PARM1: variants seen among roughly 807,000 people sequenced by gnomAD.
PARM1 encodes prostate androgen-regulated mucin-like protein 1.
PARM1 carries 14 observed loss-of-function variants against 24.6 expected under a neutral mutation model. The observed-to-expected ratio is 0.57, with a 90% confidence interval of 0.38 to 0.89. The LOEUF is 0.89. Among genes scored for constraint, PARM1 ranks in the 40% least tolerant of loss-of-function variants. The pLI is 0.00. For missense variants in PARM1, 362 were observed against 380.4 expected (o/e 0.95, Z 0.40); for synonymous variants, 179 against 156.6 (o/e 1.14, Z -1.07).
intron 1 of PARM1, chr4:74,994,198 C>G (rs1344073392): frequency 6.6e-6 from 1 of 152,052 alleles, no homozygotes; most frequent in Non-Finnish European, 1.5e-5. Flanking sequence ...TAATTTTTTC[C>G]TGAAAACTCC....
In PARM1 at chr4:74,948,106, A is replaced by G. The variant is rs1721443160; in HGVS notation, c.43+14736A>G. ...CCAACCAAAAGTCTCTTCATTTTGC[A>G]GGCTCAGATTTTTCCCTGTGTTCTT... On this transcript the variant is annotated intron_variant, in intron 1 of 3. Transcript: ENST00000307428. Among the ~76,000 whole-genome samples, 6 of 152,186 alleles carry G rather than the reference A, an allele frequency of 3.9e-5. No homozygotes were observed. The South Asian group carries it at 1.2e-3, about 32-fold the overall frequency.
At chr4:75,001,174 G>A (rs1722673792) in intron 1 of PARM1, among the ~76,000 whole-genome samples, 1 of 152,138 alleles carries the variant, frequency 6.6e-6, no homozygotes, top group South Asian at 2.1e-4. Context: ...TTACTAAGAA[G>A]CCATGAAGCA....
Position 75,047,203 on chromosome 4 carries a change from C to A in PARM1, c.*956C>A, listed in dbSNP as rs9090. The A allele has an allele frequency of 6.6e-6, 1 of 152,014 alleles. No individual in the cohort carries two copies. Among genetic ancestry groups the A allele is most frequent in the South Asian group, 2.1e-4 (1 of 4,822 alleles). The allele number at this position is 152,014 out of a possible 1,614,324, so 9.4% of individuals were successfully genotyped here. On this transcript the variant is annotated 3_prime_UTR_variant, in exon 4 of 4. Transcript: ENST00000307428. ...CCACAGCTTGGAGGAGCCCAGAGAC[C>A]GTTTGCTTTATACCCACACAGCAAC...
At chr4:74,995,634 C>G (rs1340425052) in intron 1 of PARM1, among the ~76,000 whole-genome samples, 1 of 152,114 alleles carries the variant, frequency 6.6e-6, no homozygotes, top group East Asian at 1.9e-4. Context: ...TGTATGGGTC[C>G]TATGAGAAGT....
intron 3 of PARM1, among the ~76,000 whole-genome samples, chr4:75,035,268 C>T (rs1303781459): frequency 6.6e-6 from 1 of 152,068 alleles, no homozygotes; most frequent in East Asian, 1.9e-4. Context: ...ATATGTGTTG[C>T]TTGTTTATTG....
intron 1 of PARM1, among the ~76,000 whole-genome samples, chr4:74,993,025 T>G (rs986407005): frequency 6.6e-6 from 1 of 152,210 alleles, no homozygotes; most frequent in Non-Finnish European, 1.5e-5. Context: ...CACCTCCTGA[T>G]GTAATCCTCT....
rs1474686042 is a variant in PARM1, at chr4:75,047,319, T to C, written c.*1072T>C. The C allele has an allele frequency of 6.6e-6, 1 of 152,250 alleles. No homozygotes were observed. The highest frequency in any genetic ancestry group is 1.5e-5 in the Non-Finnish European group (1 of 68,046). 9.4% of individuals were successfully genotyped at this position (152,250 alleles called of 1,614,324 possible). A position where few individuals can be genotyped will look rare whatever the true frequency, so the allele number is the denominator to read the frequency against. ...AAAGAGGCACTAGTCTATCTGCAAT[T>C]ACTCAACGAGGCATTTTCATAGGAA... On this transcript the variant is annotated 3_prime_UTR_variant, in exon 4 of 4. Coordinates refer to ENST00000307428, the MANE Select transcript of PARM1 (RefSeq NM_015393.4).
At chr4:75,017,783 T>G (rs1233617112) in intron 2 of PARM1, among the ~76,000 whole-genome samples, 1 of 152,316 alleles carries the variant, frequency 6.6e-6, no homozygotes, top group East Asian at 1.9e-4. Flanking sequence ...TGGTAGACCT[T>G]CAATAACATT....
rs564420636 is a variant in PARM1, at chr4:75,037,940, G to A, written c.848+3979G>A. Among the ~76,000 whole-genome samples the A allele has an allele frequency of 1.7e-4, 26 of 152,138 alleles. 1 individual carries two copies. The South Asian group carries it at 2.9e-3, about 17-fold the overall frequency. ...GGGGCAAGTTTTCTTTTTTTGAGTC[G>A]AAGTCTCGCTCTGTCACCCAGGCTG... On this transcript the variant is annotated intron_variant, in intron 3 of 3. Coordinates refer to ENST00000307428, the MANE Select transcript of PARM1 (RefSeq NM_015393.4).
Position 74,988,553 on chromosome 4 carries a change from G to A in PARM1, c.44-23872G>A, listed in dbSNP as rs564299671. ...ACATCATTGGTGCTCAGTTCTTGTT[G>A]AATGAATAAACTAACTGGTGCATCA... On this transcript the variant is annotated intron_variant, in intron 1 of 3. Transcript: ENST00000307428. Among the ~76,000 whole-genome samples, 12 of 152,264 alleles carry A rather than the reference G, an allele frequency of 7.9e-5. No homozygotes were observed. In the East Asian group the frequency reaches 2.1e-3, roughly 27 times the overall value.
intron 1 of PARM1, among the ~76,000 whole-genome samples, chr4:74,950,573 T>C (rs1269351567): frequency 6.6e-6 from 1 of 152,216 alleles, no homozygotes; most frequent in Non-Finnish European, 1.5e-5. Flanking sequence ...CTAGAGGTTG[T>C]GGTTCAGCTT....
intron 1 of PARM1, among the ~76,000 whole-genome samples, chr4:74,992,774 C>T (rs1722502872): frequency 1.3e-5 from 2 of 152,162 alleles, no homozygotes; most frequent in Admixed American, 1.3e-4. Context: ...AAAACAAAGG[C>T]AAAGTCTCTT....
intron 1 of PARM1, among the ~76,000 whole-genome samples, chr4:74,943,941 T>C (rs1181556848): frequency 1.3e-5 from 2 of 152,234 alleles, no homozygotes; most frequent in Non-Finnish European, 2.9e-5. Context: ...TGTGCTACCT[T>C]CTTCGGTTGT....
chr4:74,996,445 C>T (rs1469081830), intron 1 of PARM1, among the ~76,000 whole-genome samples: 3 of 152,092 alleles, frequency 2.0e-5, no homozygotes, highest in Non-Finnish European at 4.4e-5. Context: ...TAAACCTGAC[C>T]GGTGCTATTG....
At chr4:75,019,539 C>T (rs939300850) in intron 2 of PARM1, among the ~76,000 whole-genome samples, 7 of 152,076 alleles carry the variant, frequency 4.6e-5, no homozygotes, top group Non-Finnish European at 5.9e-5. Context: ...CCAGTATGAG[C>T]GATGCCAATA....
chr4:75,049,617 G>A lies in PARM1; in HGVS notation c.*3370G>A, dbSNP rs1723677681. 1 of 152,614 alleles carries A rather than the reference G, an allele frequency of 6.6e-6. No individual in the cohort carries two copies. The highest frequency in any genetic ancestry group is 2.1e-4 in the South Asian group (1 of 4,836). The allele number at this position is 152,614 out of a possible 1,614,324, so 9.5% of individuals were successfully genotyped here. ...CTCAAAGACTCTTGGATCAGAATCA[G>A]GAGATTAGGGAAAACAGGATGGATA... On this transcript the variant is annotated 3_prime_UTR_variant, in exon 4 of 4. Transcript: ENST00000307428.
chr4:74,999,649 TA>T (rs1722640621), intron 1 of PARM1, among the ~76,000 whole-genome samples: 1 of 152,194 alleles, frequency 6.6e-6, no homozygotes, highest in Non-Finnish European at 1.5e-5. Flanking sequence ...CTTAAACAAA[TA>T]AAAATCTAAA....
intron 1 of PARM1, among the ~76,000 whole-genome samples, chr4:74,943,525 A>G (rs1288154674): frequency 6.6e-6 from 1 of 151,968 alleles, no homozygotes; most frequent in Non-Finnish European, 1.5e-5. Context: ...TCAGGCCTTT[A>G]GTCTTCATTG....
intron 1 of PARM1, among the ~76,000 whole-genome samples, chr4:74,951,541 C>G (rs1207338645): frequency 6.6e-6 from 1 of 152,100 alleles, no homozygotes; most frequent in African/African-American, 2.4e-5. Context: ...CTGCACCCAT[C>G]AACCCGTCAT....
Sources: allele counts gnomAD v4.1 joint callset (sites outside exome capture counted in the v4.1 genomes callset), GRCh38; gene constraint gnomAD v4.1.1; transcripts MANE v1.5; gene names NCBI Gene and HGNC (gene_info 2026-07-23, HGNC 2026-07-21).